The following MSN variants were observed in gnomAD, a reference collection of about 807,000 sequenced individuals.
MSN encodes moesin, also known as epididymis luminal protein 70.
Under a neutral mutation model 48.0 loss-of-function variants are expected in MSN, and 2 were observed. The ratio of observed to expected loss-of-function variants is 0.04; its 90% CI spans 0.02 to 0.13. MSN has a LOEUF of 0.13. Ranked by LOEUF, MSN falls within the 10% of genes least tolerant of loss-of-function variation. MSN has a pLI of 1.00. For synonymous variants in MSN, 146 were observed against 166.9 expected (o/e 0.87, Z 0.97); for missense variants, 267 against 470.1 (o/e 0.57, Z 3.99).
At position 65,592,362 on chromosome X, in the gene MSN, A is replaced by G. The variant is rs759178967; in HGVS notation, c.-22+3750A>G. Among the ~76,000 whole-genome samples, 5 of 107,835 alleles carry G rather than the reference A, an allele frequency of 4.6e-5. No individual in the cohort carries two copies. The South Asian group carries it at 2.1e-3, about 46-fold the overall frequency. The allele number at this position is 107,835 out of a possible 115,157, so 93.6% of individuals were successfully genotyped here. ...AGGCACGTGCCACCACACCCAGCTA[A>G]TTTTTGTGTTTTTAGTAGAGATGTG... On this transcript the variant is annotated intron_variant, in intron 1 of 3. Transcript: ENST00000609672.
intron 1 of MSN, among the ~76,000 whole-genome samples, chrX:65,662,554 T>C (rs2070831948): frequency 8.9e-6 from 1 of 112,356 alleles, no homozygotes; most frequent in East Asian, 2.8e-4. Flanking sequence ...CCCTATGTAA[T>C]AAAAGGTGCT....
At chrX:65,626,899 T>A (rs2070511641) in intron 1 of MSN, among the ~76,000 whole-genome samples, 1 of 111,947 alleles carries the variant, frequency 8.9e-6, no homozygotes, top group African/African-American at 3.2e-5. Flanking sequence ...TAATACCTGC[T>A]ATGCTATTCC....
intron 1 of MSN, among the ~76,000 whole-genome samples, chrX:65,601,233 G>A (rs2070232765): frequency 9.0e-6 from 1 of 111,492 alleles, no homozygotes; most frequent in South Asian, 3.7e-4. Flanking sequence ...GGGCCTCAGT[G>A]CTCTCATCTG....
At chrX:65,711,955 A>G (rs1475829389) in intron 1 of MSN, among the ~76,000 whole-genome samples, 1 of 111,561 alleles carries the variant, frequency 9.0e-6, no homozygotes, top group African/African-American at 3.3e-5. Context: ...TTGAGTTGAG[A>G]ATGAAGTCTA....
In MSN at chrX:65,741,806, A is replaced by G. The variant is rs2071740094; in HGVS notation, c.*1913A>G. On this transcript the variant is annotated 3_prime_UTR_variant, in exon 13 of 13. Coordinates refer to ENST00000360270, the MANE Select transcript of MSN (RefSeq NM_002444.3). ...AACTTACCCTTAGGGAGGCTGGGGG[A>G]AAAGGTTAGATTTTGTATTCAGGGG... 6.1e-6 allele frequency: 1 copy of G among 163,913 alleles called. No homozygotes were observed. The highest frequency in any genetic ancestry group is 3.0e-5 in the African/African-American group (1 of 33,115). 13.5% of individuals were successfully genotyped at this position (163,913 alleles called of 1,213,427 possible).
At chrX:65,728,004 C>G (rs2071584691) in intron 3 of MSN, 95 bp downstream of exon 3, 2 of 774,829 alleles carry the variant, frequency 2.6e-6, no homozygotes, top group Admixed American at 5.6e-5. Flanking sequence ...TCCTGGATAC[C>G]TAGGGCTGTG....
At chrX:65,738,736 A>G in intron 11 of MSN, 119 bp downstream of exon 11, 1 of 702,125 alleles carries the variant, frequency 1.4e-6, no homozygotes, top group Non-Finnish European at 2.1e-6. Context: ...CACAGCAGGC[A>G]GCATGGGAGA....
chrX:65,678,465 A>T (rs192420255), intron 1 of MSN, among the ~76,000 whole-genome samples: 114 of 111,440 alleles, frequency 1.0e-3, no homozygotes, highest in Non-Finnish European at 1.9e-3. Context: ...TGGCCTAAAG[A>T]GGTTCAGAGT....
upstream of MSN, chrX:65,667,547 G>T (rs2070885194): frequency 6.8e-6 from 5 of 732,908 alleles, no homozygotes; most frequent in African/African-American, 4.6e-5. Flanking sequence ...GCCTGGCCAG[G>T]CGGGGCTGGG....
At chrX:65,664,308 T>C (rs1397261567), upstream of MSN, among the ~76,000 whole-genome samples, 1 of 110,930 alleles carries the variant, frequency 9.0e-6, no homozygotes, top group African/African-American at 3.3e-5. Flanking sequence ...CAACAGACAC[T>C]GAAAACTACT....
intron 1 of MSN, among the ~76,000 whole-genome samples, chrX:65,612,994 C>A (rs1291159731): frequency 9.0e-6 from 1 of 111,150 alleles, no homozygotes; most frequent in Non-Finnish European, 1.9e-5. Context: ...AACTCGCCAT[C>A]TACGTTAGGT....
At chrX:65,687,130 A>C (rs1444698264) in intron 1 of MSN, among the ~76,000 whole-genome samples, 1 of 111,843 alleles carries the variant, frequency 8.9e-6, no homozygotes, top group Non-Finnish European at 1.9e-5. Context: ...GTGGATCACG[A>C]GGTCAGGAGT....
chrX:65,618,303 G>A (rs1041116848), intron 1 of MSN, among the ~76,000 whole-genome samples: 76 of 111,219 alleles, frequency 6.8e-4, no homozygotes, highest in Middle Eastern at 4.6e-3. Context: ...TGTTGACAGT[G>A]GGGTGTTAAA....
intron 1 of MSN, among the ~76,000 whole-genome samples, chrX:65,681,054 AT>A (rs1417927802): frequency 1.8e-4 from 19 of 107,819 alleles, no homozygotes; most frequent in East Asian, 2.9e-4. Flanking sequence ...CCTGGCCATG[AT>A]TTTTTTTTTA....
chrX:65,611,279 C>A (rs1043233945), intron 1 of MSN, among the ~76,000 whole-genome samples: 2 of 109,645 alleles, frequency 1.8e-5, no homozygotes, highest in African/African-American at 6.7e-5. Flanking sequence ...CCTGCCTCAG[C>A]CTCCCAAGTA....
At chrX:65,717,011 C>A (rs1401619286) in intron 2 of MSN, 110 bp downstream of exon 2, 4 of 684,840 alleles carry the variant, frequency 5.8e-6, no homozygotes, top group Non-Finnish European at 8.9e-6. Context: ...CCTGTTCACT[C>A]CAAGATAGAT....
chrX:65,646,975 C>A (rs1345519523), intron 1 of MSN, among the ~76,000 whole-genome samples: 1 of 110,770 alleles, frequency 9.0e-6, no homozygotes, highest in Non-Finnish European at 1.9e-5. Flanking sequence ...AACAAAAAAA[C>A]AAACCCTAGT....
At position 65,716,178 on chromosome X, in the gene MSN, C is replaced by A. The variant is rs138152341; in HGVS notation, c.13-640C>A. 1.1e-3 allele frequency among the ~76,000 whole-genome samples: 121 copies of A among 111,981 alleles called. No individual in the cohort carries two copies. In the East Asian group the frequency reaches 0.029, roughly 27 times the overall value. On this transcript the variant is annotated intron_variant, in intron 1 of 12. Transcript: ENST00000360270. Reference sequence around the variant, plus strand: ...AGGTAGATCAGAGGTGAGAAGAGAACCCTGTGAGATGAAGCTGTCTAGTAT... The same window carrying A: ...AGGTAGATCAGAGGTGAGAAGAGAAACCTGTGAGATGAAGCTGTCTAGTAT...
chrX:65,588,536 G>A, exon 1 of MSN: 1 of 805,397 alleles, frequency 1.2e-6, no homozygotes, highest in East Asian at 6.9e-5. Context: ...CCACCCATCA[G>A]CCACCTCCAG....
Sources: gnomAD v4.1 joint callset for allele counts (sites outside exome capture counted in the v4.1 genomes callset) on GRCh38, gnomAD v4.1.1 for gene constraint, MANE v1.5 for transcripts, NCBI Gene and HGNC (gene_info 2026-07-23, HGNC 2026-07-21) for gene names.